The following USP30 variants were observed in gnomAD, a reference collection of about 807,000 sequenced individuals.
The protein encoded by USP30 is ubiquitin specific peptidase 30, also known as ubiquitin carboxyl-terminal hydrolase 30.
USP30 carries 41 observed loss-of-function variants against 68.2 expected under a neutral mutation model. The ratio of observed to expected loss-of-function variants is 0.60; its 90% CI spans 0.47 to 0.78. USP30 has a LOEUF of 0.78. Ranked by LOEUF, USP30 falls within the 30% of genes least tolerant of loss-of-function variation. USP30 has a pLI of 0.00. For synonymous variants in USP30, 229 were observed against 253.7 expected, an observed-to-expected ratio of 0.90 and a Z score of 0.93; for missense variants, 522 against 649.4, an observed-to-expected ratio of 0.80 and a Z score of 2.13.
intron 3 of USP30, among the ~76,000 whole-genome samples, chr12:109,040,726 C>T (rs1377942026): frequency 2.6e-5 from 4 of 152,354 alleles, no homozygotes; most frequent in African/African-American, 7.2e-5. Flanking sequence ...TGGACCTCTC[C>T]ATAATGCTGC....
At chr12:109,037,957 A>T (rs896997337) in intron 3 of USP30, among the ~76,000 whole-genome samples, 1 of 151,994 alleles carries the variant, frequency 6.6e-6, no homozygotes. Context: ...TCAGAATTAC[A>T]TCTGAATTTT....
chr12:109,055,400 A>ATTTTTTTTT (rs869090869), intron 1 of USP30, among the ~76,000 whole-genome samples: 29 of 24,458 alleles, frequency 1.2e-3, no homozygotes, highest in Non-Finnish European at 1.5e-3. Flanking sequence ...ATATATATAT[A>ATTTTTTTTT]TTTTTTTTTT....
At position 109,085,042 on chromosome 12, in the gene USP30, C is replaced by T; in HGVS notation, c.1258C>T (p.Pro420Ser). 6.2e-7 allele frequency: 1 copy of T among 1,600,502 alleles called. No homozygotes were observed. Among genetic ancestry groups the T allele is most frequent in the Non-Finnish European group, 8.5e-7 (1 of 1,172,170 alleles). The change falls in exon 12 of 13, where the codon CCC becomes TCC. Residue 420 changes from proline to serine, a missense_variant. Physicochemically the swap from Pro to Ser is moderately conservative, Grantham distance 74. Transcript: ENST00000257548. ...ATTGCCAACGCTGTCAGCGCCGATG[C>T]CCTTCCCTCTCCCAGTTGTTCCCGA... ...SLLPTLSAPMPFPLPVVPDYS... is the reference protein window; with the variant it reads ...SLLPTLSAPMSFPLPVVPDYS...
At chr12:109,065,504 G>A (rs2041219362) in intron 3 of USP30, among the ~76,000 whole-genome samples, 1 of 152,246 alleles carries the variant, frequency 6.6e-6, no homozygotes, top group African/African-American at 2.4e-5. Context: ...AGGAAATGGT[G>A]ATCAGTGCTC....
At chr12:109,053,454 G>A (rs12813923) in intron 1 of USP30, among the ~76,000 whole-genome samples, 1,890 of 152,124 alleles carry the variant, frequency 0.012, 17 homozygotes, top group African/African-American at 0.021. Flanking sequence ...CCCCAATCCT[G>A]TCAGGGCCCC....
chr12:109,062,134 A>G (rs1042223361), intron 3 of USP30, among the ~76,000 whole-genome samples: 2 of 151,362 alleles, frequency 1.3e-5, no homozygotes, highest in Admixed American at 1.3e-4. Context: ...GGGGTTTCAC[A>G]CTGTTGCCTA....
intron 3 of USP30, among the ~76,000 whole-genome samples, chr12:109,043,500 A>T (rs1352304852): frequency 2.6e-5 from 4 of 152,338 alleles, no homozygotes; most frequent in South Asian, 4.1e-4. Flanking sequence ...TTCATCAAAT[A>T]GTTCTGGGAA....
At chr12:109,075,259 T>C (rs1233013170) in intron 7 of USP30, among the ~76,000 whole-genome samples, 1 of 152,210 alleles carries the variant, frequency 6.6e-6, no homozygotes, top group East Asian at 1.9e-4. Context: ...TCTTAACTTT[T>C]TGAGGAACCT....
At chr12:109,037,953 T>C (rs1383054765) in intron 3 of USP30, among the ~76,000 whole-genome samples, 1 of 152,132 alleles carries the variant, frequency 6.6e-6, no homozygotes, top group Non-Finnish European at 1.5e-5. Context: ...ATACTCAGAA[T>C]TACATCTGAA....
Position 109,085,032 on chromosome 12 carries a change from A to G in USP30, c.1248A>G (p.Ser416=). The change falls in exon 12 of 13, where the codon TCA becomes TCG. Residue 416 remains serine, a synonymous_variant. Coordinates refer to ENST00000257548, the MANE Select transcript of USP30 (RefSeq NM_032663.5). ...CCCCATCTTTATTGCCAACGCTGTC[A>G]GCGCCGATGCCCTTCCCTCTCCCAG... The part of the protein sequence containing the change: ...ACSPSLLPTL[S]APMPFPLPVV... 2 of 1,605,212 alleles carry G rather than the reference A, an allele frequency of 1.2e-6. No individual in the cohort carries two copies. The highest frequency in any genetic ancestry group is 8.5e-7 in the Non-Finnish European group (1 of 1,174,792).
intron 7 of USP30, among the ~76,000 whole-genome samples, chr12:109,075,687 T>G (rs959306808): frequency 2.1e-4 from 32 of 152,146 alleles, no homozygotes; most frequent in African/African-American, 7.5e-4. Flanking sequence ...TCCTAACAGG[T>G]GTGCGGTGAT....
At chr12:109,035,644 G>A (rs1004975182) in intron 3 of USP30, among the ~76,000 whole-genome samples, 14 of 152,130 alleles carry the variant, frequency 9.2e-5, no homozygotes, top group Non-Finnish European at 1.9e-4. Flanking sequence ...TTACAGGCGT[G>A]AGCCACCACA....
At chr12:109,056,243 A>G (rs2040874237) in intron 1 of USP30, among the ~76,000 whole-genome samples, 1 of 152,170 alleles carries the variant, frequency 6.6e-6, no homozygotes, top group Non-Finnish European at 1.5e-5. Context: ...CCTGGGCTGG[A>G]GTGCAATGGC....
chr12:109,068,927 T>A (rs1376748398), intron 4 of USP30, among the ~76,000 whole-genome samples: 1 of 152,230 alleles, frequency 6.6e-6, no homozygotes, highest in African/African-American at 2.4e-5. Flanking sequence ...AGATTTTCCC[T>A]GATTGTCAAC....
upstream of USP30, chr12:109,052,475 A>G (rs1187548322): frequency 4.5e-6 from 2 of 441,340 alleles, no homozygotes; most frequent in South Asian, 6.1e-5. Context: ...GGGAAAAGAA[A>G]GAAAGGACGT....
chr12:109,069,838 G>A (rs969887693), intron 4 of USP30, among the ~76,000 whole-genome samples: 7 of 152,282 alleles, frequency 4.6e-5, no homozygotes, highest in South Asian at 2.1e-4. Flanking sequence ...AGGTTTCAGC[G>A]GAGACCGGAA....
At chr12:109,025,214 C>A (rs1218233262) in intron 2 of USP30, 2 of 152,238 alleles carry the variant, frequency 1.3e-5, no homozygotes, top group East Asian at 3.9e-4. Flanking sequence ...CCCAGCATCC[C>A]AGGGTTTCTA....
chr12:109,028,085 A>T (rs1286793647), intron 3 of USP30, among the ~76,000 whole-genome samples: 1 of 152,146 alleles, frequency 6.6e-6, no homozygotes, highest in Non-Finnish European at 1.5e-5. Context: ...GTGGGTGTGG[A>T]GTGGTCTGAT....
chr12:109,030,116 C>T (rs1377403568), intron 3 of USP30, among the ~76,000 whole-genome samples: 2 of 152,208 alleles, frequency 1.3e-5, no homozygotes, highest in Non-Finnish European at 2.9e-5. Context: ...CTACTTTATA[C>T]CTTTCCCACA....
Sources: gnomAD v4.1 joint callset for allele counts (sites outside exome capture counted in the v4.1 genomes callset) on GRCh38, gnomAD v4.1.1 for gene constraint, MANE v1.5 for transcripts, NCBI Gene and HGNC (gene_info 2026-07-23, HGNC 2026-07-21) for gene names.